Variants in GRIN2A observed in about 807,000 individuals in gnomAD.
GRIN2A encodes glutamate ionotropic receptor NMDA type subunit 2A.
Under a neutral mutation model 113.4 loss-of-function variants are expected in GRIN2A, and 22 were observed. The ratio of observed to expected loss-of-function variants is 0.19; its 90% CI spans 0.14 to 0.28. The LOEUF is 0.28. GRIN2A is among the 10% of genes least tolerant of loss of function. The pLI is 1.00. For missense variants in GRIN2A, 1,502 were observed against 1,887.0 expected (o/e 0.80, Z 3.78); for synonymous variants, 827 against 738.4 (o/e 1.12, Z -1.94).
chr16:10,088,604 T>C (rs1224954187), intron 2 of GRIN2A, among the ~76,000 whole-genome samples: 1 of 152,200 alleles, frequency 6.6e-6, no homozygotes, highest in Non-Finnish European at 1.5e-5. Context: ...ATTAGCTAAT[T>C]TGTGTGTCCA....
intron 2 of GRIN2A, among the ~76,000 whole-genome samples, chr16:9,945,444 G>C (rs1231498053): frequency 6.6e-6 from 1 of 152,284 alleles, no homozygotes; most frequent in South Asian, 2.1e-4. Flanking sequence ...TAAGGAGCAA[G>C]AGAGAGTGGT....
Position 10,105,226 on chromosome 16 carries a change from C to T in GRIN2A, c.414+74772G>A, listed in dbSNP as rs9927369. 7.6e-3 allele frequency among the ~76,000 whole-genome samples: 1,159 copies of T among 152,252 alleles called. 17 individuals carry two copies. Among genetic ancestry groups the T allele is most frequent in the African/African-American group, 0.026 (1,088 of 41,540 alleles). On this transcript the variant is annotated intron_variant, in intron 2 of 12. Transcript: ENST00000330684. ...GCCTAAGGATCCTCACCCAGCAATGCTGACCACGACCATTAAAACATGAAG... is the reference window on the plus strand; with the variant it reads ...GCCTAAGGATCCTCACCCAGCAATGTTGACCACGACCATTAAAACATGAAG...
At chr16:9,859,347 CATACATAAGTGTCTG>C (rs1371168152) in intron 4 of GRIN2A, among the ~76,000 whole-genome samples, 5 of 152,094 alleles carry the variant, frequency 3.3e-5, no homozygotes, top group Non-Finnish European at 7.4e-5. Context: ...AAAAACCGTG[CATACATAAGTGTCTG>C]ATACATAAGT....
intron 3 of GRIN2A, among the ~76,000 whole-genome samples, chr16:9,913,179 C>A (rs1474366780): frequency 6.6e-6 from 1 of 152,196 alleles, no homozygotes; most frequent in Non-Finnish European, 1.5e-5. Context: ...CTACTGTAAG[C>A]AAAGGAGACT....
intron 4 of GRIN2A, among the ~76,000 whole-genome samples, chr16:9,884,037 T>C (rs2043539676): frequency 6.6e-6 from 1 of 152,208 alleles, no homozygotes; most frequent in South Asian, 2.1e-4. Context: ...CAAAAATCTT[T>C]ATTTATCTCT....
intron 2 of GRIN2A, among the ~76,000 whole-genome samples, chr16:9,946,099 A>T (rs894460259): frequency 6.6e-6 from 1 of 152,058 alleles, no homozygotes; most frequent in Non-Finnish European, 1.5e-5. Context: ...TTGCTCTTGA[A>T]CTCAGCCCTG....
intron 3 of GRIN2A, among the ~76,000 whole-genome samples, chr16:9,894,886 AATCC>A (rs1375433754): frequency 6.6e-6 from 1 of 152,076 alleles, no homozygotes; most frequent in Non-Finnish European, 1.5e-5. Context: ...TCTATCCATC[AATCC>A]ATCAATACAT....
chr16:9,809,799 G>T (rs2042051361), intron 10 of GRIN2A, among the ~76,000 whole-genome samples: 1 of 152,194 alleles, frequency 6.6e-6, no homozygotes, highest in Non-Finnish European at 1.5e-5. Flanking sequence ...CGGGTGTGGT[G>T]GCTCATGCCA....
chr16:9,914,951 T>A lies in GRIN2A; in HGVS notation c.1007+23008A>T, dbSNP rs896173402. Among the ~76,000 whole-genome samples the A allele has an allele frequency of 1.2e-3, 119 of 99,620 alleles. 1 individual carries two copies. Among genetic ancestry groups the A allele is most frequent in the African/African-American group, 4.0e-3 (100 of 25,164 alleles). 65.4% of individuals were successfully genotyped at this position (99,620 alleles called of 152,430 possible). ...TTTTTTTTTTTTTTTTTTTTTTTTT[T>A]AATGAGACGGAATCTCACTCTTTCA... On this transcript the variant is annotated intron_variant, in intron 3 of 12. Coordinates refer to ENST00000330684, the MANE Select transcript of GRIN2A (RefSeq NM_001134407.3).
At chr16:9,831,805 C>T (rs893769004) in intron 8 of GRIN2A, among the ~76,000 whole-genome samples, 3 of 152,034 alleles carry the variant, frequency 2.0e-5, no homozygotes, top group East Asian at 3.9e-4. Flanking sequence ...CATGAGCCAC[C>T]GTGCCTGGCC....
chr16:10,060,424 GA>G (rs892870010), intron 2 of GRIN2A, among the ~76,000 whole-genome samples: 1 of 152,190 alleles, frequency 6.6e-6, no homozygotes, highest in African/African-American at 2.4e-5. Context: ...GCAAGATTCA[GA>G]AACCTACTTA....
intron 4 of GRIN2A, among the ~76,000 whole-genome samples, chr16:9,868,492 C>A (rs1189593889): frequency 6.6e-6 from 1 of 152,134 alleles, no homozygotes; most frequent in Non-Finnish European, 1.5e-5. Flanking sequence ...GCCTCAAACT[C>A]CTGACCTCAG....
At chr16:10,010,978 T>G (rs1466772277) in intron 2 of GRIN2A, among the ~76,000 whole-genome samples, 1 of 152,214 alleles carries the variant, frequency 6.6e-6, no homozygotes, top group African/African-American at 2.4e-5. Context: ...TGCTGGGTTA[T>G]TCCTGTAACA....
intron 9 of GRIN2A, among the ~76,000 whole-genome samples, chr16:9,825,194 C>T (rs945530510): frequency 1.3e-5 from 2 of 152,222 alleles, no homozygotes; most frequent in Non-Finnish European, 2.9e-5. Context: ...TCATCTGCTG[C>T]TTAGAAACTG....
intron 2 of GRIN2A, among the ~76,000 whole-genome samples, chr16:10,134,245 C>T (rs1027521758): frequency 7.0e-6 from 1 of 143,738 alleles, no homozygotes; most frequent in African/African-American, 2.6e-5. Context: ...GTTAGGCAAA[C>T]ATTAGGCTTC....
In GRIN2A at chr16:10,181,876, C is replaced by A. The variant is rs1361423806; in HGVS notation, c.-19+1G>T. 6.5e-6 allele frequency: 1 copy of A among 152,948 alleles called. No homozygotes were observed. The highest frequency in any genetic ancestry group is 2.4e-5 in the African/African-American group (1 of 41,472). 9.5% of individuals were successfully genotyped at this position (152,948 alleles called of 1,614,324 possible). Reference sequence around the variant, plus strand: ...AGCCCTGATCTCCCTCTGGGACGTACCTGTAGCCCGAGAAGGTCGAGGATG... The same window carrying A: ...AGCCCTGATCTCCCTCTGGGACGTAACTGTAGCCCGAGAAGGTCGAGGATG... On this transcript the variant is annotated splice_donor_variant, in intron 1 of 12. Coordinates refer to ENST00000330684, the MANE Select transcript of GRIN2A (RefSeq NM_001134407.3). LOFTEE classifies it low-confidence loss of function (5UTR_SPLICE).
intron 2 of GRIN2A, among the ~76,000 whole-genome samples, chr16:10,086,673 C>A (rs1412152454): frequency 2.0e-5 from 3 of 150,860 alleles, no homozygotes; most frequent in Admixed American, 2.0e-4. Context: ...CTGGGACAAT[C>A]TGTTTTCTTA....
chr16:9,905,651 C>T (rs553258700), intron 3 of GRIN2A, among the ~76,000 whole-genome samples: 21 of 152,174 alleles, frequency 1.4e-4, no homozygotes, highest in Non-Finnish European at 2.4e-4. Context: ...TGGGGCAGAG[C>T]GATGTGCCTA....
chr16:9,939,193 A>T (rs564519234), intron 2 of GRIN2A, among the ~76,000 whole-genome samples: 2 of 152,324 alleles, frequency 1.3e-5, no homozygotes, highest in South Asian at 4.1e-4. Context: ...TAAGTGGAAG[A>T]CAACTTCTAC....
Sources: allele counts gnomAD v4.1 joint callset (sites outside exome capture counted in the v4.1 genomes callset), GRCh38; gene constraint gnomAD v4.1.1; transcripts MANE v1.5; gene names NCBI Gene and HGNC (gene_info 2026-07-23, HGNC 2026-07-21).